Variants in SPINDOC observed in about 807,000 individuals in gnomAD.
SPINDOC encodes spindlin interactor and repressor of chromatin binding, also known as spindlin interactor and repressor of chromatin-binding protein.
A neutral mutation model predicts 30.7 loss-of-function variants in SPINDOC; 13 were observed. The ratio of observed to expected loss-of-function variants is 0.42; its 90% confidence interval spans 0.28 to 0.67. SPINDOC has a LOEUF of 0.67. Ranked by LOEUF, SPINDOC falls within the 30% of genes least tolerant of loss-of-function variation. The pLI, the probability that SPINDOC is intolerant of heterozygous loss-of-function variation, is 0.22. For missense variants in SPINDOC, 438 were observed against 518.0 expected (o/e 0.85, Z 1.50); for synonymous variants, 228 against 211.4 (o/e 1.08, Z -0.68).
intron 5 of SPINDOC, among the ~76,000 whole-genome samples, chr11:63,825,158 A>G (rs1007662216): frequency 1.3e-5 from 2 of 152,072 alleles, no homozygotes; most frequent in Non-Finnish European, 2.9e-5. Flanking sequence ...TCCTCTACTC[A>G]TGGCCTTTCT....
chr11:63,814,968 T>C (rs534302804), intron 1 of SPINDOC, among the ~76,000 whole-genome samples: 1 of 151,682 alleles, frequency 6.6e-6, no homozygotes, highest in East Asian at 1.9e-4. Flanking sequence ...ACGTCTACTT[T>C]AGGCTGTTTA....
chr11:63,817,786 T>TC lies in SPINDOC; in HGVS notation c.128-14dup. Reference sequence around the variant, plus strand: ...GTGGGCACCTTTAGTGATAACACCCTCCCCCTCTCCCCTCGCAGTGACCCA... The same window carrying TC: ...GTGGGCACCTTTAGTGATAACACCCTCCCCCCTCTCCCCTCGCAGTGACCCA... On this transcript the variant is annotated intron_variant, in intron 1 of 5. Coordinates refer to ENST00000294244, the MANE Select transcript of SPINDOC (RefSeq NM_138471.3). 3 of 1,532,772 alleles carry TC rather than the reference T, an allele frequency of 2.0e-6. No homozygotes were observed. The highest frequency in any genetic ancestry group is 1.4e-5 in the African/African-American group (1 of 73,006). The allele number at this position is 1,532,772 out of a possible 1,614,324, so 94.9% of individuals were successfully genotyped here.
chr11:63,825,009 C>T (rs2015620318), intron 5 of SPINDOC, among the ~76,000 whole-genome samples: 1 of 152,186 alleles, frequency 6.6e-6, no homozygotes, highest in African/African-American at 2.4e-5. Context: ...TGCTGCTACC[C>T]TAGTCAGGGC....
At chr11:63,815,718 C>G (rs760042131) in intron 1 of SPINDOC, among the ~76,000 whole-genome samples, 2 of 151,852 alleles carry the variant, frequency 1.3e-5, no homozygotes, top group Non-Finnish European at 2.9e-5. Flanking sequence ...GATACAGATA[C>G]AGATGCTGGA....
intron 5 of SPINDOC, among the ~76,000 whole-genome samples, chr11:63,819,289 C>G (rs768601661): frequency 2.0e-5 from 3 of 152,242 alleles, no homozygotes; most frequent in Non-Finnish European, 4.4e-5. Flanking sequence ...CGGCTCACTA[C>G]AACCTCTGCC....
intron 5 of SPINDOC, chr11:63,822,617 T>A: frequency 7.8e-7 from 1 of 1,289,116 alleles, no homozygotes; most frequent in Non-Finnish European, 1.0e-6. Flanking sequence ...GATCACAGTT[T>A]TAACTGTCTC....
Position 63,814,659 on chromosome 11 carries a change from C to T in SPINDOC, c.127+846C>T, listed in dbSNP as rs567368217. Reference sequence around the variant, plus strand: ...GATAGTACCCAAAAGAGGTTGAGAGCAGCAATGCCATTCATTGAACTTCAG... The same window carrying T: ...GATAGTACCCAAAAGAGGTTGAGAGTAGCAATGCCATTCATTGAACTTCAG... On this transcript the variant is annotated intron_variant, in intron 1 of 5. Transcript: ENST00000294244. Among the ~76,000 whole-genome samples, 22 of 152,308 alleles carry T rather than the reference C, an allele frequency of 1.4e-4. No individual in the cohort carries two copies. The East Asian group carries it at 4.0e-3, about 28-fold the overall frequency.
chr11:63,823,398 A>C, intron 5 of SPINDOC: 1 of 1,147,224 alleles, frequency 8.7e-7, no homozygotes, highest in Non-Finnish European at 1.1e-6. Flanking sequence ...CGTGGATTTA[A>C]CAGTTGGAAA....
At position 63,818,408 on chromosome 11, in the gene SPINDOC, G is replaced by A; in HGVS notation, c.607+43G>A. 2.5e-6 allele frequency: 4 copies of A among 1,609,748 alleles called. No homozygotes were observed. Among genetic ancestry groups the A allele is most frequent in the Non-Finnish European group, 3.4e-6 (4 of 1,178,016 alleles). ...CCAGTGAGCCCCGGTGGAGGTGGGG[G>A]TTTGGGGACAGGGTGAAATACAGGC... On this transcript the variant is annotated intron_variant, in intron 3 of 5. Coordinates refer to ENST00000294244, the MANE Select transcript of SPINDOC (RefSeq NM_138471.3). This position sits in a 1 kb window ranked among gnomAD's most constrained non-coding sequence, Gnocchi z 5.3.
At chr11:63,816,774 CTG>C (rs2135136797) in intron 1 of SPINDOC, among the ~76,000 whole-genome samples, 1 of 152,312 alleles carries the variant, frequency 6.6e-6, no homozygotes, top group East Asian at 1.9e-4. Context: ...TATGGTCTGT[CTG>C]TGTACACAAA....
chr11:63,817,347 A>G (rs2015368346), intron 1 of SPINDOC, among the ~76,000 whole-genome samples: 1 of 152,120 alleles, frequency 6.6e-6, no homozygotes, highest in Non-Finnish European at 1.5e-5. Context: ...CTCTGTCTCA[A>G]AATAAATAAA....
chr11:63,818,130 C>G lies in SPINDOC; in HGVS notation c.453C>G (p.Asn151Lys). Residue 151 changes from asparagine to lysine, a missense_variant, in exon 2 of 6, where the codon AAC becomes AAG. Around this residue, in one of 3 missense-constraint regions of SPINDOC, gnomAD observed 300 missense variants for 332.8 expected, o/e 0.90. Coordinates refer to ENST00000294244, the MANE Select transcript of SPINDOC (RefSeq NM_138471.3). This position sits in a 1 kb window ranked among gnomAD's most constrained non-coding sequence, Gnocchi z 5.3. ...DVRAEQPSPP[N>K]SDSGQDAHPD... ...GAGCTGAGCAGCCGTCCCCACCCAACTCAGGTAGTTGGTCCTGGGGCTGGC... is the reference window on the plus strand; with the variant it reads ...GAGCTGAGCAGCCGTCCCCACCCAAGTCAGGTAGTTGGTCCTGGGGCTGGC... 6.2e-7 allele frequency: 1 copy of G among 1,613,836 alleles called. No homozygotes were observed.
At chr11:63,819,641 C>T (rs1010693261) in intron 5 of SPINDOC, among the ~76,000 whole-genome samples, 1 of 151,988 alleles carries the variant, frequency 6.6e-6, no homozygotes, top group African/African-American at 2.4e-5. Flanking sequence ...GGATTACAGG[C>T]GTGTGCCACC....
intron 1 of SPINDOC, among the ~76,000 whole-genome samples, chr11:63,816,551 A>G (rs2015345842): frequency 6.6e-6 from 1 of 152,082 alleles, no homozygotes; most frequent in South Asian, 2.1e-4. Flanking sequence ...ATGCAAGCCG[A>G]GGCTCCTATT....
At chr11:63,822,829 A>G (rs772502841) in intron 5 of SPINDOC, 1 of 1,288,960 alleles carries the variant, frequency 7.8e-7, no homozygotes, top group African/African-American at 1.5e-5. Flanking sequence ...CCTGTGCGCA[A>G]ACTCCATCTA....
intron 5 of SPINDOC, chr11:63,823,235 G>A (rs1013940728): frequency 4.7e-6 from 6 of 1,287,414 alleles, no homozygotes; most frequent in Non-Finnish European, 6.1e-6. Context: ...ACGATCTCAC[G>A]AACCCAAAGC....
chr11:63,827,120 A>C lies in SPINDOC; in HGVS notation c.1127A>C (p.Glu376Ala), dbSNP rs775174568. 6.2e-7 allele frequency: 1 copy of C among 1,613,932 alleles called. No homozygotes were observed. The highest frequency in any genetic ancestry group is 1.1e-5 in the South Asian group (1 of 91,058). ...AGCACCACTGTGGCAGGGAAGCCGG[A>C]AAAAGGGAATGGAGTGTAAATTCTT... ...ESSTTVAGKPEKGNGV is the reference protein window; with the variant it reads ...ESSTTVAGKPAKGNGV The change falls in exon 6 of 6, where the codon GAA (glutamate) becomes GCA (alanine). Residue 376 changes from glutamate to alanine, a missense_variant. By Grantham distance (107) the Glu-to-Ala change is moderately radical. Transcript: ENST00000294244.
chr11:63,813,671 C>T lies in SPINDOC; in HGVS notation c.-16C>T. 1.9e-6 allele frequency: 3 copies of T among 1,539,522 alleles called. No individual in the cohort carries two copies. Among genetic ancestry groups the T allele is most frequent in the Non-Finnish European group, 8.7e-7 (1 of 1,145,218 alleles). ...GCGCCAGTCCTCCGGCCACTGCTAT[C>T]GCCCACGGCCGCACCATGGCCCTAA... On this transcript the variant is annotated 5_prime_UTR_variant, in exon 1 of 6. Coordinates refer to ENST00000294244, the MANE Select transcript of SPINDOC (RefSeq NM_138471.3).
At chr11:63,826,040 G>A (rs2015647782) in intron 5 of SPINDOC, among the ~76,000 whole-genome samples, 2 of 151,752 alleles carry the variant, frequency 1.3e-5, no homozygotes, top group South Asian at 4.2e-4. Context: ...CCAGGTTCAC[G>A]CGACTCTCCC....
Sources: gnomAD v4.1 joint callset for allele counts (sites outside exome capture counted in the v4.1 genomes callset) on GRCh38, gnomAD v4.1.1 for gene constraint, gnomAD v4.1.1 regional missense constraint, Gnocchi (gnomAD v3.1) non-coding constraint, MANE v1.5 for transcripts, NCBI Gene and HGNC (gene_info 2026-07-23, HGNC 2026-07-21) for gene names.